KRT39: variants seen among roughly 807,000 people sequenced by gnomAD.
The protein encoded by KRT39 is keratin, type I cytoskeletal 39.
A neutral mutation model predicts 54.8 loss-of-function variants in KRT39; 47 were observed. That is an observed-to-expected ratio of 0.86 (90% CI 0.68 to 1.09). The LOEUF (loss-of-function observed/expected upper bound fraction) is 1.09. KRT39 is among the 50% of genes least tolerant of loss of function. KRT39 has a pLI of 0.00. For missense variants in KRT39, 580 were observed against 598.5 expected (o/e 0.97, Z 0.32); for synonymous variants, 207 against 227.9 (o/e 0.91, Z 0.83).
chr17:40,960,612 C>T, intron 5 of KRT39, 111 bp from the exon 6 acceptor site: 1 of 724,294 alleles, frequency 1.4e-6, no homozygotes, highest in Non-Finnish European at 2.4e-6. Flanking sequence ...TGATAGATCT[C>T]CAAGCACTTT....
At chr17:40,966,105 T>C (rs1476241531) in intron 1 of KRT39, among the ~76,000 whole-genome samples, 5 of 151,746 alleles carry the variant, frequency 3.3e-5, no homozygotes, top group South Asian at 2.1e-4. Flanking sequence ...GGATGGAATT[T>C]CATCATGTTG....
intron 1 of KRT39, 126 bp from the exon 2 acceptor site, chr17:40,964,654 A>G: frequency 1.5e-6 from 1 of 647,026 alleles, no homozygotes; most frequent in African/African-American, 1.8e-5. Context: ...TAATCTTCAT[A>G]GCTATGCTCA....
Position 40,962,166 on chromosome 17 carries a change from C to T in KRT39, c.992G>A (p.Arg331Gln), listed in dbSNP as rs555391844. The T allele has an allele frequency of 8.1e-6, 13 of 1,613,964 alleles. No homozygotes were observed. The highest frequency in any genetic ancestry group is 6.7e-5 in the East Asian group (3 of 44,894). The change falls in exon 5 of 7, where the codon CGA becomes CAA. Residue 331 changes from arginine (R) to glutamine (Q), a missense_variant. Physicochemically the swap from Arg to Gln is conservative, Grantham distance 43. Transcript: ENST00000355612. ...TLEVELQAQHRMRDSQECILT... is the reference protein window; with the variant it reads ...TLEVELQAQHQMRDSQECILT... ...CTTGGTCAGCTTGCTCAGTACCATTCGATGCTGGGCCTGCAGTTCAACCTC... is the reference window on the plus strand; with the variant it reads ...CTTGGTCAGCTTGCTCAGTACCATTTGATGCTGGGCCTGCAGTTCAACCTC...
In KRT39 at chr17:40,960,297, C is replaced by G. The variant is rs763618358; in HGVS notation, c.1201G>C (p.Glu401Gln). ...CEITTYRSLL[E>Q]SSDGKRPCYP... ...TTTACATACTTGCCATCCGAGCTCT[C>G]CAGAAGGCTGCGGTATGTGGTAATC... is the stretch of plus-strand genomic sequence containing the variant. Residue 401 changes from glutamate to glutamine, a missense_variant, in exon 6 of 7, where the codon GAG becomes CAG. Physicochemically the swap from Glu to Gln is conservative, Grantham distance 29. Transcript: ENST00000355612. 1.4e-5 allele frequency: 23 copies of G among 1,612,948 alleles called. No homozygotes were observed. The East Asian group carries it at 5.1e-4, about 36-fold the overall frequency.
chr17:40,960,340 C>A lies in KRT39; in HGVS notation c.1158G>T (p.Lys386Asn). The A allele has an allele frequency of 6.2e-7, 1 of 1,614,066 alleles. No individual in the cohort carries two copies. Among genetic ancestry groups the A allele is most frequent in the Non-Finnish European group, 8.5e-7 (1 of 1,180,032 alleles). The change falls in exon 6 of 7, where the codon AAG becomes AAT. Residue 386 changes from lysine (K) to asparagine (N), a missense_variant. Coordinates refer to ENST00000355612, the MANE Select transcript of KRT39 (RefSeq NM_213656.4). ...TGGTAATCTCACATTCCAGCCGGGA[C>A]TTGACGTCCAGCAGGATCTCGTATT... ...NQEYEILLDV[K>N]SRLECEITTY...
intron 2 of KRT39, 71 bp downstream of exon 2, chr17:40,964,375 A>G: frequency 7.5e-7 from 1 of 1,336,182 alleles, no homozygotes; most frequent in Non-Finnish European, 1.1e-6. Context: ...CATGGGGACA[A>G]TTTTGTTGAG....
chr17:40,958,761 G>A lies in KRT39; in HGVS notation c.1316C>T (p.Ser439Leu), dbSNP rs559549884. Residue 439 changes from serine to leucine, a missense_variant, in exon 7 of 7, where the codon TCA becomes TTA. Transcript: ENST00000355612. ...GTGCTCCTTTAAGCTGCAGGGGGAT[G>A]AGGATGTGCAAGCTGGGGCCGTGCT... is the stretch of plus-strand genomic sequence containing the variant. ...IESTAPACTS[S>L]SPCSLKEHCS... is the part of the protein sequence containing the mutation. 6 of 1,613,942 alleles carry A rather than the reference G, an allele frequency of 3.7e-6. No individual in the cohort carries two copies. The highest frequency in any genetic ancestry group is 2.2e-5 in the East Asian group (1 of 44,882).
rs1257116312 is a variant in KRT39, at chr17:40,966,929, G to T, written c.-73C>A. On this transcript the variant is annotated 5_prime_UTR_variant, in exon 1 of 7. Transcript: ENST00000355612. Reference sequence around the variant, plus strand: ...GAAAAGCTCAAGCCACCTCCACAGAGTCTGAATTCCAAGGCTCTTGGTGTT... The same window carrying T: ...GAAAAGCTCAAGCCACCTCCACAGATTCTGAATTCCAAGGCTCTTGGTGTT... 30 of 1,057,246 alleles carry T rather than the reference G, an allele frequency of 2.8e-5. 1 individual carries two copies. In the South Asian group the frequency reaches 3.6e-4, roughly 13 times the overall value. The allele number at this position is 1,057,246 out of a possible 1,614,324, so 65.5% of individuals were successfully genotyped here. A position where few individuals can be genotyped will look rare whatever the true frequency, so the allele number is the denominator to read the frequency against.
In KRT39 at chr17:40,958,857, C is replaced by G. The variant is rs368640955; in HGVS notation, c.1220G>C (p.Arg407Pro). ...RSLLESSDGK[R>P]PCYPRATKCE... ...TTTGGTGGCACGTGGGTAACAGGGA[C>G]GCCTAAGGAAAAAAAACACAATTTT... The change falls in exon 7 of 7, where the codon CGT becomes CCT. Residue 407 changes from arginine (R) to proline (P), a missense_variant and splice_region_variant. Coordinates refer to ENST00000355612, the MANE Select transcript of KRT39 (RefSeq NM_213656.4). 6.4e-7 allele frequency: 1 copy of G among 1,566,466 alleles called. No individual in the cohort carries two copies. Among genetic ancestry groups the G allele is most frequent in the South Asian group, 1.2e-5 (1 of 84,900 alleles).
In KRT39 at chr17:40,961,472, A is replaced by C. The variant is rs564283187; in HGVS notation, c.996+690T>G. ...AACCAGTGTGGGGCAAGGTCTTCCC[A>C]AAAGCCTTCACATCAGAGCATGTAA... On this transcript the variant is annotated intron_variant, in intron 5 of 6. Coordinates refer to ENST00000355612, the MANE Select transcript of KRT39 (RefSeq NM_213656.4). Among the ~76,000 whole-genome samples the C allele has an allele frequency of 1.3e-4, 20 of 152,340 alleles. No homozygotes were observed. In the South Asian group the frequency reaches 4.1e-3, roughly 32 times the overall value.
chr17:40,962,226 T>A lies in KRT39; in HGVS notation c.932A>T (p.Glu311Val). ...SSQQQQCCQK[E>V]IIELRRSVNT... ...CACACTGCGTCTCAGTTCTATGATCTCCTTTTGGCAGCATTGCTGCTGTTG... is the reference window on the plus strand; with the variant it reads ...CACACTGCGTCTCAGTTCTATGATCACCTTTTGGCAGCATTGCTGCTGTTG... The change falls in exon 5 of 7, where the codon GAG becomes GTG. Residue 311 changes from glutamate to valine, a missense_variant. Transcript: ENST00000355612. 6.2e-7 allele frequency: 1 copy of A among 1,614,248 alleles called. No homozygotes were observed.
At position 40,963,848 on chromosome 17, in the gene KRT39, A is replaced by G. The variant is rs558129383; in HGVS notation, c.552-65T>C. ...AGATGATGCAAACCAAGCCAAGCAGAACTCTCATCTGCATTTTGCTCTGGG... is the reference window on the plus strand; with the variant it reads ...AGATGATGCAAACCAAGCCAAGCAGGACTCTCATCTGCATTTTGCTCTGGG... On this transcript the variant is annotated intron_variant, in intron 2 of 6. Transcript: ENST00000355612. 46 of 1,335,932 alleles carry G rather than the reference A, an allele frequency of 3.4e-5. No homozygotes were observed. The Middle Eastern group carries it at 9.9e-4, about 29-fold the overall frequency. 82.8% of individuals were successfully genotyped at this position (1,335,932 alleles called of 1,614,324 possible). A position where few individuals can be genotyped will look rare whatever the true frequency, so the allele number is the denominator to read the frequency against.
intron 6 of KRT39, among the ~76,000 whole-genome samples, chr17:40,959,434 A>G (rs917128445): frequency 6.6e-6 from 1 of 152,362 alleles, no homozygotes; most frequent in East Asian, 1.9e-4. Context: ...CTGTCTATGC[A>G]TAGTTTTTAG....
chr17:40,966,261 G>A, intron 1 of KRT39, 128 bp downstream of exon 1: 1 of 698,864 alleles, frequency 1.4e-6, no homozygotes, highest in Non-Finnish European at 2.4e-6. Flanking sequence ...TTTCACTCAA[G>A]AAATTTTTCT....
intron 3 of KRT39, among the ~76,000 whole-genome samples, chr17:40,963,001 CAGAAAA>C (rs566495109): frequency 6.5e-4 from 99 of 152,262 alleles, no homozygotes; most frequent in African/African-American, 2.3e-3. Context: ...ACTGTAAGGA[CAGAAAA>C]ATTGGGTTCC....
In KRT39 at chr17:40,963,644, T is replaced by C; in HGVS notation, c.691A>G (p.Lys231Glu). ...TGTCTCACCTCTTTGTGGTTGTTCT[T>C]GAGGCAAAGGAGCTCCTCTTTCAGA... ...QSLKEELLCL[K>E]NNHKEEINSL... Residue 231 changes from lysine (K) to glutamate (E), a missense_variant, in exon 3 of 7, where the codon AAG (lysine) becomes GAG (glutamate). Physicochemically the swap from Lys to Glu is moderately conservative, Grantham distance 56. Transcript: ENST00000355612. 2 of 1,607,194 alleles carry C rather than the reference T, an allele frequency of 1.2e-6. No individual in the cohort carries two copies. Among genetic ancestry groups the C allele is most frequent in the Non-Finnish European group, 1.7e-6 (2 of 1,174,526 alleles).
chr17:40,958,905 T>C (rs1911020113), intron 6 of KRT39, 46 bp from the exon 7 acceptor site: 3 of 1,522,566 alleles, frequency 2.0e-6, no homozygotes, highest in Non-Finnish European at 8.8e-7. Flanking sequence ...GGGAAGGCGA[T>C]GATGGTCATG....
rs143643076 is a variant in KRT39, at chr17:40,958,797, C to G, written c.1280G>C (p.Gly427Ala). ...AGCTGGGGCCGTGCTTTCTATGGCT[C>G]CGGACTTACAAGATGTCCAAGGGGA... ...EPSPWTSCKS[G>A]AIESTAPACT... Residue 427 changes from glycine (G) to alanine (A), a missense_variant, in exon 7 of 7, where the codon GGA (glycine) becomes GCA (alanine). Gly to Ala is a moderately conservative substitution (Grantham distance 60). Coordinates refer to ENST00000355612, the MANE Select transcript of KRT39 (RefSeq NM_213656.4). The G allele has an allele frequency of 8.2e-4, 1,319 of 1,613,482 alleles. 8 individuals carry two copies. The African/African-American group carries it at 0.014, about 17-fold the overall frequency.
At position 40,966,454 on chromosome 17, in the gene KRT39, C is replaced by T. The variant is rs1228567391; in HGVS notation, c.403G>A (p.Glu135Lys). Residue 135 changes from glutamate (E) to lysine (K), a missense_variant, in exon 1 of 7, where the codon GAG becomes AAG. By Grantham distance (56) the Glu-to-Lys change is moderately conservative (BLOSUM62 1). Coordinates refer to ENST00000355612, the MANE Select transcript of KRT39 (RefSeq NM_213656.4). ...TAATCAGGACATAGAACAGGGAGCT[C>T]TTTGTTACTTTCTTCCTGGATTTTA... ...ESKIQEESNK[E>K]LPVLCPDYLS... 4 of 1,614,164 alleles carry T rather than the reference C, an allele frequency of 2.5e-6. No individual in the cohort carries two copies. The South Asian group carries it at 4.4e-5, about 18-fold the overall frequency.
Sources: gnomAD v4.1 joint callset for allele counts (sites outside exome capture counted in the v4.1 genomes callset) on GRCh38, gnomAD v4.1.1 for gene constraint, MANE v1.5 for transcripts, NCBI Gene and HGNC (gene_info 2026-07-23, HGNC 2026-07-21) for gene names.